Variants in LRPPRC observed in about 807,000 individuals in gnomAD.
LRPPRC encodes the protein leucine-rich PPR motif-containing protein, mitochondrial.
Under a neutral mutation model 180.3 loss-of-function variants are expected in LRPPRC, and 120 were observed. The ratio of observed to expected loss-of-function variants is 0.67; its 90% CI spans 0.57 to 0.77. The LOEUF (loss-of-function observed/expected upper bound fraction) is 0.77. Among genes scored for constraint, LRPPRC ranks in the 30% least tolerant of loss-of-function variants. LRPPRC has a pLI of 0.00. For missense variants in LRPPRC, 2,012 were observed against 1,657.2 expected (o/e 1.21, Z -3.72); for synonymous variants, 723 against 600.0 (o/e 1.21, Z -3.00).
At chr2:43,938,102 G>A (rs900858212) in intron 23 of LRPPRC, among the ~76,000 whole-genome samples, 1 of 151,172 alleles carries the variant, frequency 6.6e-6, no homozygotes, top group Non-Finnish European at 1.5e-5. Flanking sequence ...ATATTTAAAG[G>A]CTCACTCCTA....
At chr2:43,932,446 A>G (rs954830312) in intron 25 of LRPPRC, among the ~76,000 whole-genome samples, 1 of 152,110 alleles carries the variant, frequency 6.6e-6, no homozygotes, top group African/African-American at 2.4e-5. Context: ...CTGTAAAGCT[A>G]TTCTTCACCC....
intron 14 of LRPPRC, among the ~76,000 whole-genome samples, chr2:43,955,089 TAGTC>T (rs1489905511): frequency 6.6e-6 from 1 of 152,148 alleles, no homozygotes; most frequent in Non-Finnish European, 1.5e-5. Flanking sequence ...CATTAAATTA[TAGTC>T]ATAATTTTAT....
chr2:43,896,814 T>C (rs1422675057), intron 34 of LRPPRC, 106 bp from the exon 35 acceptor site: 9 of 758,568 alleles, frequency 1.2e-5, no homozygotes, highest in Non-Finnish European at 1.9e-5. Context: ...TAGTGTATTA[T>C]TACCAATAGG....
At chr2:43,905,854 G>T in intron 30 of LRPPRC, 74 bp from the exon 31 acceptor site, 2 of 984,050 alleles carry the variant, frequency 2.0e-6, no homozygotes, top group Non-Finnish European at 3.3e-6. Context: ...GAGCACCAAG[G>T]TGAAATTATA....
At chr2:43,914,797 G>A (rs1054527771) in intron 29 of LRPPRC, among the ~76,000 whole-genome samples, 2 of 151,886 alleles carry the variant, frequency 1.3e-5, no homozygotes, top group Non-Finnish European at 2.9e-5. Flanking sequence ...CAGAATAGAG[G>A]TAGCTCCACA....
intron 1 of LRPPRC, among the ~76,000 whole-genome samples, chr2:43,985,375 AG>A (rs1021356701): frequency 6.6e-6 from 1 of 152,224 alleles, no homozygotes; most frequent in Non-Finnish European, 1.5e-5. Flanking sequence ...AATTTACATT[AG>A]AGTTCACTGT....
intron 1 of LRPPRC, among the ~76,000 whole-genome samples, chr2:43,994,931 T>C (rs879667429): frequency 3.3e-5 from 5 of 152,222 alleles, no homozygotes; most frequent in Non-Finnish European, 5.9e-5. Flanking sequence ...GTGCCTTGCA[T>C]GTGCTCATTC....
intron 29 of LRPPRC, among the ~76,000 whole-genome samples, chr2:43,915,489 G>T (rs1452134977): frequency 6.6e-6 from 1 of 151,958 alleles, no homozygotes; most frequent in Admixed American, 6.6e-5. Flanking sequence ...TTTGAGATCA[G>T]CCTGGCCAAT....
intron 23 of LRPPRC, 44 bp from the exon 24 acceptor site, chr2:43,934,922 C>A: frequency 6.4e-7 from 1 of 1,551,000 alleles, no homozygotes; most frequent in South Asian, 1.1e-5. Context: ...AAATCGAATT[C>A]AGCTTAGTCT....
chr2:43,923,630 C>A (rs1405879266), intron 27 of LRPPRC, among the ~76,000 whole-genome samples: 2 of 152,064 alleles, frequency 1.3e-5, no homozygotes, highest in Non-Finnish European at 2.9e-5. Flanking sequence ...TGGGGCTGAC[C>A]CTTTCAGCAG....
intron 34 of LRPPRC, among the ~76,000 whole-genome samples, chr2:43,898,831 G>A (rs1558901038): frequency 6.6e-6 from 1 of 152,136 alleles, no homozygotes; most frequent in African/African-American, 2.4e-5. Context: ...GTGTTGCCAT[G>A]GTGACGCACA....
intron 27 of LRPPRC, among the ~76,000 whole-genome samples, chr2:43,920,156 G>C (rs943663635): frequency 1.5e-4 from 22 of 149,576 alleles, no homozygotes; most frequent in African/African-American, 5.4e-4. Context: ...TTTTTTTTGA[G>C]ATGGAGTCTT....
chr2:43,921,006 T>C (rs968762716), intron 27 of LRPPRC, among the ~76,000 whole-genome samples: 1 of 151,996 alleles, frequency 6.6e-6, no homozygotes, highest in Non-Finnish European at 1.5e-5. Context: ...AAAATAAGAC[T>C]TGTGGGCAGG....
chr2:43,962,338 T>C (rs1673381207), intron 12 of LRPPRC, among the ~76,000 whole-genome samples: 1 of 151,962 alleles, frequency 6.6e-6, no homozygotes, highest in Admixed American at 6.6e-5. Context: ...GGGAAAGAGG[T>C]GAAGACACTG....
In LRPPRC at chr2:43,944,007, G is replaced by A. The variant is rs193142256; in HGVS notation, c.2297-113C>T. The A allele has an allele frequency of 4.4e-5, 33 of 742,076 alleles. No homozygotes were observed. The East Asian group carries it at 6.9e-4, about 16-fold the overall frequency. 46.0% of individuals were successfully genotyped at this position (742,076 alleles called of 1,614,324 possible). ...AATGTAAATTCTAGTGTATAATGCC[G>A]ATTTCAAGTTAATTACTACTTGCAT... On this transcript the variant is annotated intron_variant, in intron 22 of 37. Coordinates refer to ENST00000260665, the MANE Select transcript of LRPPRC (RefSeq NM_133259.4).
At position 43,982,229 on chromosome 2, in the gene LRPPRC, T is replaced by G. The variant is rs754438818; in HGVS notation, c.346+9A>C. 3.7e-5 allele frequency: 57 copies of G among 1,549,038 alleles called. 1 individual carries two copies. The South Asian group carries it at 7.1e-4, about 19-fold the overall frequency. On this transcript the variant is annotated intron_variant, in intron 2 of 37. Coordinates refer to ENST00000260665, the MANE Select transcript of LRPPRC (RefSeq NM_133259.4). Reference sequence around the variant, plus strand: ...AAGTCAACTTTATGAACAGGAAATTTTGAAATACCTGAGCGGCAGGTATCA... The same window carrying G: ...AAGTCAACTTTATGAACAGGAAATTGTGAAATACCTGAGCGGCAGGTATCA...
chr2:43,947,779 A>T lies in LRPPRC; in HGVS notation c.1921-4T>A. ...TCTCAACCAACAAGTGAGCATCCTA[A>T]AATTGAAATTTAAATTAGCCCAGAA... On this transcript the variant is annotated splice_region_variant and splice_polypyrimidine_tract_variant and intron_variant, in intron 18 of 37. Coordinates refer to ENST00000260665, the MANE Select transcript of LRPPRC (RefSeq NM_133259.4). 1.9e-6 allele frequency: 3 copies of T among 1,578,360 alleles called. No homozygotes were observed. The highest frequency in any genetic ancestry group is 2.6e-6 in the Non-Finnish European group (3 of 1,147,616).
At chr2:43,963,406 T>G in intron 12 of LRPPRC, 182 bp downstream of exon 12, 1 of 638,798 alleles carries the variant, frequency 1.6e-6, no homozygotes, top group Non-Finnish European at 2.8e-6. Context: ...ATTGTGCCAT[T>G]GCACTCCTGC....
At chr2:43,970,222 G>C (rs985241871) in intron 11 of LRPPRC, among the ~76,000 whole-genome samples, 2 of 152,146 alleles carry the variant, frequency 1.3e-5, no homozygotes, top group African/African-American at 4.8e-5. Flanking sequence ...ATCAGAAGGA[G>C]GAGTATGTTC....
Sources: allele counts gnomAD v4.1 joint callset (sites outside exome capture counted in the v4.1 genomes callset), GRCh38; gene constraint gnomAD v4.1.1; transcripts MANE v1.5; gene names NCBI Gene and HGNC (gene_info 2026-07-23, HGNC 2026-07-21).